MRC2: variants seen among roughly 807,000 people sequenced by gnomAD.
The protein encoded by MRC2 is mannose receptor C-type 2.
Under a neutral mutation model 206.2 loss-of-function variants are expected in MRC2, and 84 were observed. That is an observed-to-expected ratio of 0.41 (90% confidence interval 0.34 to 0.49). MRC2 has a LOEUF of 0.49. MRC2 is among the 20% of genes least tolerant of loss of function. MRC2 has a pLI of 0.31. For missense variants in MRC2, 1,676 were observed against 2,001.5 expected (o/e 0.84, Z 3.10); for synonymous variants, 798 against 800.0 (o/e 1.00, Z 0.04).
At chr17:62,676,653 G>A (rs2088896725) in intron 11 of MRC2, 122 bp downstream of exon 11, 2 of 1,249,590 alleles carry the variant, frequency 1.6e-6, no homozygotes, top group Non-Finnish European at 2.2e-6. Context: ...GTGGTGTAGT[G>A]TCTATGAGCA....
chr17:62,655,721 TAAAAA>T (rs71155946), intron 1 of MRC2, among the ~76,000 whole-genome samples: 1 of 126,170 alleles, frequency 7.9e-6, no homozygotes, highest in Non-Finnish European at 1.6e-5. Context: ...TCTGTCTCTT[TAAAAA>T]AAAAAAAAAA....
intron 1 of MRC2, among the ~76,000 whole-genome samples, chr17:62,629,392 C>T (rs951144357): frequency 2.0e-5 from 3 of 152,176 alleles, no homozygotes; most frequent in East Asian, 1.9e-4. Context: ...GTGAGAGGCC[C>T]GGTCAGGGAG....
At chr17:62,673,082 T>C (rs540051918) in intron 8 of MRC2, among the ~76,000 whole-genome samples, 1 of 152,306 alleles carries the variant, frequency 6.6e-6, no homozygotes, top group African/African-American at 2.4e-5. Flanking sequence ...TGTCACATAC[T>C]GCAAACAGTG....
Position 62,675,796 on chromosome 17 carries a change from A to G in MRC2, c.1576A>G (p.Thr526Ala), listed in dbSNP as rs1329242660. ...CTGTCCACTCTTGAGCCAGGGTTGG[A>G]CGTGGCACAGCCCATCCTGCTACTG... Reference protein sequence around the residue: ...EEDHGCRKGWTWHSPSCYWLG... With the variant: ...EEDHGCRKGWAWHSPSCYWLG... Residue 526 changes from threonine (T) to alanine (A), a missense_variant, in exon 10 of 30, where the codon ACG becomes GCG. By Grantham distance (58) the Thr-to-Ala change is moderately conservative (BLOSUM62 0). This residue lies in a region of MRC2 where 1,354 missense variants were observed against 1,636.6 expected (regional missense o/e 0.83). Coordinates refer to ENST00000303375, the MANE Select transcript of MRC2 (RefSeq NM_006039.5). This position sits in a 1 kb window ranked among gnomAD's most constrained non-coding sequence, Gnocchi z 4.1. 1 of 1,613,852 alleles carries G rather than the reference A, an allele frequency of 6.2e-7. No individual in the cohort carries two copies. The highest frequency in any genetic ancestry group is 1.3e-5 in the African/African-American group (1 of 74,920).
At position 62,672,810 on chromosome 17, in the gene MRC2, G is replaced by A. The variant is rs921874267; in HGVS notation, c.1461+658G>A. Among the ~76,000 whole-genome samples the A allele has an allele frequency of 1.4e-4, 21 of 152,188 alleles. No individual in the cohort carries two copies. The highest frequency in any genetic ancestry group is 4.8e-4 in the African/African-American group (20 of 41,526). On this transcript the variant is annotated intron_variant, in intron 8 of 29. Coordinates refer to ENST00000303375, the MANE Select transcript of MRC2 (RefSeq NM_006039.5). This position sits in a 1 kb window ranked among gnomAD's most constrained non-coding sequence, Gnocchi z 4.5. ...AGTTCGAGACCAGCCTGGCCAACAT[G>A]GTGAAACCCCATCTCTACTAAAAAT...
chr17:62,675,902 ACAGGTACAGCAGGGGCGGGTGCC>A lies in MRC2; in HGVS notation c.1684_1685+21del. On this transcript the variant is annotated splice_donor_variant and splice_donor_5th_base_variant and coding_sequence_variant and intron_variant, in exon 10 of 30. Coordinates refer to ENST00000303375, the MANE Select transcript of MRC2 (RefSeq NM_006039.5). LOFTEE classifies it high-confidence loss of function. This position sits in a 1 kb window ranked among gnomAD's most constrained non-coding sequence, Gnocchi z 4.1. Reference sequence around the variant, plus strand: ...GGCTCTCAGCTGGTCACCATCACCAACAGGTACAGCAGGGGCGGGTGCCCTGACTAGCCCTTGCCCATGTCTGG... The same window carrying A: ...GGCTCTCAGCTGGTCACCATCACCAACTGACTAGCCCTTGCCCATGTCTGG... 1.9e-6 allele frequency: 3 copies of A among 1,613,904 alleles called. No individual in the cohort carries two copies. The highest frequency in any genetic ancestry group is 2.5e-6 in the Non-Finnish European group (3 of 1,179,842).
At chr17:62,678,928 C>A (rs1215789462) in intron 13 of MRC2, among the ~76,000 whole-genome samples, 1 of 152,176 alleles carries the variant, frequency 6.6e-6, no homozygotes, top group East Asian at 1.9e-4. Flanking sequence ...AACAGACCCA[C>A]AAACTTACAT....
chr17:62,647,076 A>T (rs941237580), intron 1 of MRC2, among the ~76,000 whole-genome samples: 9 of 152,174 alleles, frequency 5.9e-5, no homozygotes, highest in African/African-American at 2.2e-4. Flanking sequence ...TCCCCAGGCG[A>T]TTTGGACACC....
At position 62,677,499 on chromosome 17, in the gene MRC2, G is replaced by A. The variant is rs566631556; in HGVS notation, c.2052+13G>A. 1.3e-6 allele frequency: 2 copies of A among 1,581,714 alleles called. No homozygotes were observed. Among genetic ancestry groups the A allele is most frequent in the East Asian group, 2.3e-5 (1 of 44,088 alleles). ...GTATTGCTATAAGGTAGGGCAGCCT[G>A]TTGGCCGGGTAGGGGGCAGGGGGAG... On this transcript the variant is annotated intron_variant, in intron 12 of 29. Transcript: ENST00000303375.
chr17:62,662,165 G>A (rs1259052280), intron 1 of MRC2, among the ~76,000 whole-genome samples: 2 of 151,748 alleles, frequency 1.3e-5, no homozygotes, highest in Admixed American at 1.3e-4. Flanking sequence ...CAGAAGAATC[G>A]CTTGAACCTG....
Position 62,680,505 on chromosome 17 carries a change from A to C in MRC2, c.2473+52A>C. On this transcript the variant is annotated intron_variant, in intron 16 of 29. Coordinates refer to ENST00000303375, the MANE Select transcript of MRC2 (RefSeq NM_006039.5). The surrounding 1 kb of genome is among the most constrained non-coding windows in gnomAD (Gnocchi z 4.8). ...ACCCATCGCGTGGGAGAGGGCGTCA[A>C]CTCTGGGGTAAGTCCCGAGAGGCCT... 1.2e-6 allele frequency: 2 copies of C among 1,608,850 alleles called. No homozygotes were observed. Among genetic ancestry groups the C allele is most frequent in the Non-Finnish European group, 1.7e-6 (2 of 1,176,332 alleles).
intron 1 of MRC2, among the ~76,000 whole-genome samples, chr17:62,629,430 C>T (rs1025132138): frequency 6.6e-6 from 1 of 152,192 alleles, no homozygotes; most frequent in Non-Finnish European, 1.5e-5. Flanking sequence ...TGTCCCTCCT[C>T]CTCCTGGTCT....
In MRC2 at chr17:62,664,960, G is replaced by C; in HGVS notation, c.520+11G>C. The C allele has an allele frequency of 1.9e-6, 3 of 1,586,706 alleles. No individual in the cohort carries two copies. The highest frequency in any genetic ancestry group is 1.3e-5 in the African/African-American group (1 of 74,808). On this transcript the variant is annotated intron_variant, in intron 2 of 29. Transcript: ENST00000303375. The surrounding 1 kb of genome is among the most constrained non-coding windows in gnomAD (Gnocchi z 4.7). Reference sequence around the variant, plus strand: ...CTCTGCCCTACCACGGTGAGGGGCCGCTTGCAGGCGGGAGGGTGGGGTCCC... The same window carrying C: ...CTCTGCCCTACCACGGTGAGGGGCCCCTTGCAGGCGGGAGGGTGGGGTCCC...
chr17:62,629,241 G>A (rs560570503), intron 1 of MRC2, among the ~76,000 whole-genome samples: 10 of 152,318 alleles, frequency 6.6e-5, no homozygotes, highest in African/African-American at 1.9e-4. Context: ...GGAGGCAGGC[G>A]GTGGGAAGGG....
chr17:62,673,395 C>T (rs796079273), intron 8 of MRC2, among the ~76,000 whole-genome samples: 42 of 152,296 alleles, frequency 2.8e-4, no homozygotes, highest in East Asian at 1.3e-3. Context: ...ACTAGCTAGA[C>T]GCCTTGGGAA....
chr17:62,687,125 C>T (rs2089041426), intron 20 of MRC2, among the ~76,000 whole-genome samples: 1 of 151,626 alleles, frequency 6.6e-6, no homozygotes, highest in African/African-American at 2.4e-5. Context: ...TGAATCCCAC[C>T]CCTGTCTTTA....
At chr17:62,678,143 A>G (rs1237608435) in intron 12 of MRC2, among the ~76,000 whole-genome samples, 1 of 152,254 alleles carries the variant, frequency 6.6e-6, no homozygotes, top group Non-Finnish European at 1.5e-5. Context: ...GGTAATCTGT[A>G]TTTTTAATCA....
Position 62,680,893 on chromosome 17 carries a change from T to C in MRC2, c.2567T>C (p.Phe856Ser). ...WAQAQRICTW[F>S]QAELTSVHSQ... is the part of the protein sequence containing the mutation. ...CAGGCGCAGCGCATCTGCACGTGGTTCCAGGCCGAGCTGACCTCGGTGCAC... is the reference window on the plus strand; with the variant it reads ...CAGGCGCAGCGCATCTGCACGTGGTCCCAGGCCGAGCTGACCTCGGTGCAC... Residue 856 changes from phenylalanine (F) to serine (S), a missense_variant, in exon 17 of 30, where the codon TTC (phenylalanine) becomes TCC (serine). Physicochemically the swap from Phe to Ser is radical, Grantham distance 155. This residue lies in a region of MRC2 where 1,354 missense variants were observed against 1,636.6 expected (regional missense o/e 0.83). Coordinates refer to ENST00000303375, the MANE Select transcript of MRC2 (RefSeq NM_006039.5). The surrounding 1 kb of genome is among the most constrained non-coding windows in gnomAD (Gnocchi z 4.8). 6.2e-7 allele frequency: 1 copy of C among 1,613,184 alleles called. No individual in the cohort carries two copies. The highest frequency in any genetic ancestry group is 8.5e-7 in the Non-Finnish European group (1 of 1,179,938).
chr17:62,629,048 C>G (rs1282105723), intron 1 of MRC2, among the ~76,000 whole-genome samples: 1 of 152,194 alleles, frequency 6.6e-6, no homozygotes, highest in African/African-American at 2.4e-5. Context: ...GTGGGGGCCA[C>G]GGTGACCCAC....
Sources: gnomAD v4.1 joint callset for allele counts (sites outside exome capture counted in the v4.1 genomes callset) on GRCh38, gnomAD v4.1.1 for gene constraint, gnomAD v4.1.1 regional missense constraint, Gnocchi (gnomAD v3.1) non-coding constraint, MANE v1.5 for transcripts, NCBI Gene and HGNC (gene_info 2026-07-23, HGNC 2026-07-21) for gene names.